DLC1: variants seen among roughly 807,000 people sequenced by gnomAD.
DLC1 encodes DLC1 Rho GTPase activating protein.
DLC1 carries 54 observed loss-of-function variants against 140.3 expected under a neutral mutation model. The observed-to-expected ratio is 0.38, with a 90% confidence interval of 0.31 to 0.48. The LOEUF (loss-of-function observed/expected upper bound fraction) is 0.48, where lower values mean the gene tolerates loss of function less well. Among genes scored for constraint, DLC1 ranks in the 20% least tolerant of loss-of-function variants. The probability of loss-of-function intolerance (pLI) is 0.96; values close to 1 mark genes in which losing one functional copy is unlikely to be tolerated. For missense variants in DLC1, 2,536 were observed against 1,907.0 expected, an observed-to-expected ratio of 1.33 and a Z score of -6.14; for synonymous variants, 986 against 728.1, an observed-to-expected ratio of 1.35 and a Z score of -5.70.
At chr8:13,364,643 A>G (rs777807693) in intron 4 of DLC1, among the ~76,000 whole-genome samples, 1 of 152,044 alleles carries the variant, frequency 6.6e-6, no homozygotes, top group Non-Finnish European at 1.5e-5. Flanking sequence ...GACCCTACAT[A>G]CTGGTACATG....
At chr8:13,436,383 G>T (rs1455106901) in intron 2 of DLC1, among the ~76,000 whole-genome samples, 1 of 152,264 alleles carries the variant, frequency 6.6e-6, no homozygotes, top group East Asian at 1.9e-4. Flanking sequence ...AAATTTTACT[G>T]TCCAGTATTC....
At chr8:13,316,938 C>CT (rs35463480) in intron 4 of DLC1, among the ~76,000 whole-genome samples, 3 of 151,468 alleles carry the variant, frequency 2.0e-5, no homozygotes, top group South Asian at 2.1e-4. Context: ...GAATCTATTC[C>CT]TTTTTTTTTC....
chr8:13,426,989 C>G (rs1246428750), intron 2 of DLC1, among the ~76,000 whole-genome samples: 1 of 152,142 alleles, frequency 6.6e-6, no homozygotes, highest in Admixed American at 6.6e-5. Context: ...ATCCCCCTGG[C>G]TTTTGTCTGA....
At position 13,451,037 on chromosome 8, in the gene DLC1, C is replaced by CAA. The variant is rs1169620786; in HGVS notation, c.1023+48010_1023+48011dup. 6.9e-3 allele frequency among the ~76,000 whole-genome samples: 126 copies of CAA among 18,368 alleles called. 29 individuals carry two copies. The highest frequency in any genetic ancestry group is 0.018 in the South Asian group (5 of 278). 12.1% of individuals were successfully genotyped at this position (18,368 alleles called of 152,430 possible). On this transcript the variant is annotated intron_variant, in intron 2 of 17. Coordinates refer to ENST00000276297, the MANE Select transcript of DLC1 (RefSeq NM_182643.3). ...CTGGTGATAGAGTGAGACTCCGTCT[C>CAA]AAAAAAAAAAAAAAAAAAAAAAAAA...
chr8:13,450,900 A>G (rs1199439614), intron 2 of DLC1, among the ~76,000 whole-genome samples: 1 of 151,832 alleles, frequency 6.6e-6, no homozygotes, highest in Non-Finnish European at 1.5e-5. Context: ...TTAGCTGGGC[A>G]TGGTGGCCTG....
intron 5 of DLC1, among the ~76,000 whole-genome samples, chr8:13,158,196 A>G (rs1824401000): frequency 6.6e-6 from 1 of 152,204 alleles, no homozygotes; most frequent in Non-Finnish European, 1.5e-5. Flanking sequence ...TCCCCGCCCA[A>G]TCACCCCATA....
intron 5 of DLC1, among the ~76,000 whole-genome samples, chr8:13,275,437 T>C (rs1831121208): frequency 6.6e-6 from 1 of 152,158 alleles, no homozygotes; most frequent in Non-Finnish European, 1.5e-5. Flanking sequence ...GAAAACATAG[T>C]CTTTGACCCA....
chr8:13,486,726 C>A (rs1023181742), intron 2 of DLC1, among the ~76,000 whole-genome samples: 1 of 23,404 alleles, frequency 4.3e-5, no homozygotes, highest in Non-Finnish European at 2.2e-4. Context: ...TAAGATGACA[C>A]CTAGCATGGT....
At chr8:13,524,493 A>G (rs571380022) in intron 1 of DLC1, among the ~76,000 whole-genome samples, 2 of 152,220 alleles carry the variant, frequency 1.3e-5, no homozygotes, top group African/African-American at 4.8e-5. Context: ...TTGTACCGTA[A>G]TAGTCTATTG....
chr8:13,256,712 G>A (rs1335012479), intron 5 of DLC1, among the ~76,000 whole-genome samples: 2 of 151,948 alleles, frequency 1.3e-5, no homozygotes, highest in Non-Finnish European at 2.9e-5. Flanking sequence ...ATCACACACT[G>A]GGGCCTGTTG....
chr8:13,436,111 G>C (rs1020252985), intron 2 of DLC1, among the ~76,000 whole-genome samples: 1 of 152,176 alleles, frequency 6.6e-6, no homozygotes, highest in Non-Finnish European at 1.5e-5. Context: ...TATATGCACT[G>C]GGAAACCAAA....
chr8:13,227,727 T>C (rs1828863480), intron 5 of DLC1, among the ~76,000 whole-genome samples: 1 of 152,232 alleles, frequency 6.6e-6, no homozygotes, highest in African/African-American at 2.4e-5. Flanking sequence ...ATTAAGTTTC[T>C]GGATTCCTGA....
intron 1 of DLC1, among the ~76,000 whole-genome samples, chr8:13,550,360 C>T (rs1458924437): frequency 6.6e-6 from 1 of 152,212 alleles, no homozygotes; most frequent in South Asian, 2.1e-4. Context: ...CTGAGGCCTC[C>T]CCAGCCATGA....
rs377063736 is a variant in DLC1 at position 13,393,638 on chromosome 8, C to G, written c.1229G>C (p.Arg410Pro). The change falls in exon 4 of 18, where the codon CGA becomes CCA. Residue 410 changes from arginine to proline, a missense_variant. Arg to Pro is a moderately radical substitution (Grantham distance 103). Transcript: ENST00000276297. ...CTCAGTGTCAGAAGACAAATTTACT[C>G]GTGTCTGATTTACTGAAATGGTATC... Reference protein sequence around the residue: ...GADTISVNQTRVNLSSDTEST... With the variant: ...GADTISVNQTPVNLSSDTEST... The G allele has an allele frequency of 3.1e-6, 5 of 1,614,044 alleles. No homozygotes were observed. Among genetic ancestry groups the G allele is most frequent in the African/African-American group, 1.3e-5 (1 of 75,034 alleles).
At chr8:13,577,586 T>A (rs1236863120) in intron 1 of DLC1, among the ~76,000 whole-genome samples, 1 of 152,194 alleles carries the variant, frequency 6.6e-6, no homozygotes, top group East Asian at 1.9e-4. Context: ...TCTCAGTACA[T>A]GCTAAATTAA....
intron 5 of DLC1, among the ~76,000 whole-genome samples, chr8:13,149,990 C>G (rs1390563063): frequency 6.6e-6 from 1 of 152,248 alleles, no homozygotes; most frequent in Non-Finnish European, 1.5e-5. Flanking sequence ...TTCTCAAGAT[C>G]TGTCAGCTCT....
intron 1 of DLC1, among the ~76,000 whole-genome samples, chr8:13,562,494 G>T (rs1007526749): frequency 6.6e-6 from 1 of 152,248 alleles, no homozygotes; most frequent in African/African-American, 2.4e-5. Context: ...CTAATAAGAA[G>T]AATTCAATTT....
At chr8:13,302,711 CAA>C (rs376892685) in intron 5 of DLC1, among the ~76,000 whole-genome samples, 200 of 122,466 alleles carry the variant, frequency 1.6e-3, no homozygotes, top group African/African-American at 5.1e-3. Flanking sequence ...TAGAAAGATA[CAA>C]AAAAAAAAAA....
At chr8:13,378,527 A>G (rs1289006801) in intron 4 of DLC1, among the ~76,000 whole-genome samples, 1 of 152,112 alleles carries the variant, frequency 6.6e-6, no homozygotes, top group African/African-American at 2.4e-5. Context: ...AATGCAATGA[A>G]AAAAACCTGA....
Sources: gnomAD v4.1 joint callset for allele counts (sites outside exome capture counted in the v4.1 genomes callset) on GRCh38, gnomAD v4.1.1 for gene constraint, MANE v1.5 for transcripts, NCBI Gene and HGNC (gene_info 2026-07-23, HGNC 2026-07-21) for gene names.